The following RNGTT variants were observed in gnomAD, a reference collection of about 807,000 sequenced individuals.
RNGTT encodes the protein mRNA-capping enzyme.
A neutral mutation model predicts 79.3 loss-of-function variants in RNGTT; 33 were observed. The ratio of observed to expected loss-of-function variants is 0.42; its 90% CI spans 0.32 to 0.56. The LOEUF is 0.56. RNGTT is among the 20% of genes least tolerant of loss of function. The pLI is 0.17. For synonymous variants in RNGTT, 222 were observed against 235.9 expected, an observed-to-expected ratio of 0.94 and a Z score of 0.54; for missense variants, 497 against 739.1, an observed-to-expected ratio of 0.67 and a Z score of 3.80.
chr6:88,891,215 G>A (rs904751750), intron 7 of RNGTT, among the ~76,000 whole-genome samples: 4 of 151,966 alleles, frequency 2.6e-5, no homozygotes, highest in African/African-American at 9.7e-5. Context: ...AGTAATAAAA[G>A]TTCTTTTCAT....
At chr6:88,844,616 T>A in intron 10 of RNGTT, 95 bp from the exon 11 acceptor site, 1 of 1,160,614 alleles carries the variant, frequency 8.6e-7, no homozygotes, top group Non-Finnish European at 1.2e-6. Context: ...ATAGTCTGTG[T>A]AAACAGCATC....
At chr6:88,869,768 C>T (rs914530255) in intron 8 of RNGTT, among the ~76,000 whole-genome samples, 2 of 152,034 alleles carry the variant, frequency 1.3e-5, no homozygotes, top group African/African-American at 4.8e-5. Flanking sequence ...ATATTATGGA[C>T]TCATAACATT....
intron 1 of RNGTT, among the ~76,000 whole-genome samples, chr6:88,945,307 C>G (rs1389253146): frequency 6.6e-6 from 1 of 152,230 alleles, no homozygotes; most frequent in Non-Finnish European, 1.5e-5. Flanking sequence ...CCACTCTAAT[C>G]TGGCTTCTGA....
chr6:88,682,870 A>G (rs1775142716), intron 13 of RNGTT, among the ~76,000 whole-genome samples: 1 of 152,248 alleles, frequency 6.6e-6, no homozygotes, highest in African/African-American at 2.4e-5. Flanking sequence ...TAAAGACAGA[A>G]GTGTACTTAT....
At chr6:88,928,558 A>G (rs1258948164) in intron 4 of RNGTT, among the ~76,000 whole-genome samples, 1 of 152,334 alleles carries the variant, frequency 6.6e-6, no homozygotes, top group East Asian at 1.9e-4. Flanking sequence ...TGCATCAACA[A>G]GAGTATAAAC....
chr6:88,762,525 C>T (rs1411121702), intron 13 of RNGTT, among the ~76,000 whole-genome samples: 1 of 152,156 alleles, frequency 6.6e-6, no homozygotes, highest in Non-Finnish European at 1.5e-5. Context: ...TACAAGTTGG[C>T]AAATACTTTT....
rs1481060392 is a variant in RNGTT, at chr6:88,866,910, G to C, written c.897-13146C>G. 4.6e-5 allele frequency among the ~76,000 whole-genome samples: 7 copies of C among 152,278 alleles called. No homozygotes were observed. In the South Asian group the frequency reaches 1.5e-3, roughly 32 times the overall value. Reference sequence around the variant, plus strand: ...CCTTACTAACTAGGTATGGGACCTTGTAAAAACCACTTGGTCTCTCTAGCT... The same window carrying C: ...CCTTACTAACTAGGTATGGGACCTTCTAAAAACCACTTGGTCTCTCTAGCT... On this transcript the variant is annotated intron_variant, in intron 8 of 15. Transcript: ENST00000369485.
At chr6:88,715,048 C>T (rs546625777) in intron 13 of RNGTT, among the ~76,000 whole-genome samples, 1,754 of 152,262 alleles carry the variant, frequency 0.012, 16 homozygotes, top group Non-Finnish European at 0.017. Context: ...GATGACATGA[C>T]TGTATATCTA....
At chr6:88,906,784 T>C (rs780209783) in intron 4 of RNGTT, among the ~76,000 whole-genome samples, 14 of 152,152 alleles carry the variant, frequency 9.2e-5, no homozygotes, top group Non-Finnish European at 2.1e-4. Context: ...ATAAAACACA[T>C]ACACACAAGA....
chr6:88,793,795 C>T (rs1779500137), intron 12 of RNGTT, among the ~76,000 whole-genome samples: 1 of 151,842 alleles, frequency 6.6e-6, no homozygotes. Context: ...GACTCTGTCT[C>T]CCCCACCAAA....
At chr6:88,917,209 T>G (rs888126614) in intron 4 of RNGTT, among the ~76,000 whole-genome samples, 3 of 152,238 alleles carry the variant, frequency 2.0e-5, no homozygotes, top group African/African-American at 4.8e-5. Context: ...TTTTAAAATT[T>G]TTTTGAAAAC....
chr6:88,799,188 A>C (rs1779700738), intron 12 of RNGTT, among the ~76,000 whole-genome samples: 1 of 152,206 alleles, frequency 6.6e-6, no homozygotes, highest in Non-Finnish European at 1.5e-5. Context: ...TTCATTGAGA[A>C]AGTGATTTAA....
At chr6:88,801,184 T>C (rs905534488) in intron 12 of RNGTT, among the ~76,000 whole-genome samples, 8 of 152,176 alleles carry the variant, frequency 5.3e-5, no homozygotes, top group African/African-American at 1.9e-4. Flanking sequence ...AATGAAGTTT[T>C]AGAGAGATTA....
At chr6:88,756,705 A>C (rs1778028408) in intron 13 of RNGTT, among the ~76,000 whole-genome samples, 1 of 152,184 alleles carries the variant, frequency 6.6e-6, no homozygotes, top group East Asian at 1.9e-4. Context: ...CTACATACAA[A>C]TTATGCTTTA....
chr6:88,697,781 G>C (rs1775729767), intron 13 of RNGTT, among the ~76,000 whole-genome samples: 1 of 150,360 alleles, frequency 6.7e-6, no homozygotes, highest in Non-Finnish European at 1.5e-5. Context: ...TGAGGTGGAA[G>C]GATAACTTGA....
intron 14 of RNGTT, among the ~76,000 whole-genome samples, chr6:88,659,896 T>C (rs1330564546): frequency 1.3e-5 from 2 of 152,184 alleles, no homozygotes; most frequent in African/African-American, 4.8e-5. Context: ...TTAACAGCTA[T>C]GAGACAAAAG....
At chr6:88,661,918 C>T (rs1774201412) in intron 14 of RNGTT, among the ~76,000 whole-genome samples, 1 of 152,126 alleles carries the variant, frequency 6.6e-6, no homozygotes, top group Non-Finnish European at 1.5e-5. Context: ...AAATCCTCAA[C>T]AAAATACTGT....
chr6:88,711,265 T>A (rs1422282448), intron 13 of RNGTT, among the ~76,000 whole-genome samples: 2 of 152,182 alleles, frequency 1.3e-5, no homozygotes, highest in African/African-American at 4.8e-5. Context: ...ATCTTCCAAT[T>A]ATTTAGGAAC....
intron 13 of RNGTT, among the ~76,000 whole-genome samples, chr6:88,698,738 T>C (rs999649746): frequency 7.2e-5 from 11 of 152,166 alleles, no homozygotes; most frequent in African/African-American, 2.2e-4. Flanking sequence ...TGTTTATAAA[T>C]AACTACACTT....
Sources: allele counts gnomAD v4.1 joint callset (sites outside exome capture counted in the v4.1 genomes callset), GRCh38; gene constraint gnomAD v4.1.1; transcripts MANE v1.5; gene names NCBI Gene and HGNC (gene_info 2026-07-23, HGNC 2026-07-21).